Variants in CHAF1A observed in about 807,000 individuals in gnomAD.
CHAF1A encodes chromatin assembly factor 1 subunit A, also known as CAF-1 subunit A.
CHAF1A carries 5 observed loss-of-function variants against 93.2 expected under a neutral mutation model. The ratio of observed to expected loss-of-function variants is 0.05; its 90% CI spans 0.03 to 0.11. The LOEUF (loss-of-function observed/expected upper bound fraction) is 0.11, where lower values mean the gene tolerates loss of function less well. Ranked by LOEUF, CHAF1A falls within the 10% of genes least tolerant of loss-of-function variation. The probability of loss-of-function intolerance (pLI) is 1.00; values close to 1 mark genes in which losing one functional copy is unlikely to be tolerated. For missense variants in CHAF1A, 1,102 were observed against 1,259.9 expected (o/e 0.87, Z 1.90); for synonymous variants, 504 against 510.3 (o/e 0.99, Z 0.17).
chr19:4,437,896 C>T (rs772740611), intron 13 of CHAF1A, among the ~76,000 whole-genome samples: 8 of 152,082 alleles, frequency 5.3e-5, no homozygotes, highest in African/African-American at 1.9e-4. Flanking sequence ...CCCACCACCA[C>T]GCCCAGCTAA....
chr19:4,443,042 TG>T lies in CHAF1A; in HGVS notation c.*18del. ...GCATCCTGAGAGCAGGGGTGACGTA[TG>T]TAGAATGCTTAGGGTGTCCTCCCCA... On this transcript the variant is annotated 3_prime_UTR_variant, in exon 15 of 15. Transcript: ENST00000301280. The T allele has an allele frequency of 6.7e-7, 1 of 1,487,494 alleles. No individual in the cohort carries two copies. The highest frequency in any genetic ancestry group is 9.2e-7 in the Non-Finnish European group (1 of 1,081,956). 92.1% of individuals were successfully genotyped at this position (1,487,494 alleles called of 1,614,324 possible).
intron 2 of CHAF1A, 39 bp downstream of exon 2, chr19:4,406,001 TTA>T: frequency 6.5e-7 from 1 of 1,529,172 alleles, no homozygotes; most frequent in Non-Finnish European, 9.1e-7. Context: ...TGTTCGTAGT[TTA>T]TAGTCTTCCT....
chr19:4,414,873 T>C (rs1198257539), intron 3 of CHAF1A, among the ~76,000 whole-genome samples: 1 of 152,128 alleles, frequency 6.6e-6, no homozygotes, highest in Non-Finnish European at 1.5e-5. Context: ...CAATTGGAGG[T>C]TTTCTCTTTT....
chr19:4,412,326 T>A (rs1024797479), intron 3 of CHAF1A, among the ~76,000 whole-genome samples: 10 of 152,180 alleles, frequency 6.6e-5, no homozygotes, highest in African/African-American at 2.4e-4. Flanking sequence ...GTGGATCACC[T>A]AAGGTCGAGA....
In CHAF1A at chr19:4,422,880, C is replaced by T; in HGVS notation, c.1247+85C>T. On this transcript the variant is annotated intron_variant, in intron 5 of 14. Transcript: ENST00000301280. The surrounding 1 kb of genome is among the most constrained non-coding windows in gnomAD (Gnocchi z 4.6). ...CCACTCTGATGGGGCCTTTCCACTT[C>T]ACAGGCAGATGGCGGCTCCCTTCAG... 7.8e-7 allele frequency: 1 copy of T among 1,285,128 alleles called. No homozygotes were observed. Among genetic ancestry groups the T allele is most frequent in the Non-Finnish European group, 1.1e-6 (1 of 910,018 alleles). The allele number at this position is 1,285,128 out of a possible 1,614,324, so 79.6% of individuals were successfully genotyped here. A position where few individuals can be genotyped will look rare whatever the true frequency, so the allele number is the denominator to read the frequency against.
chr19:4,403,077 G>T (rs1178725707), intron 1 of CHAF1A, among the ~76,000 whole-genome samples: 2 of 152,234 alleles, frequency 1.3e-5, no homozygotes, highest in African/African-American at 2.4e-5. Context: ...TCTCTGGGGC[G>T]GTGGGTCGGA....
chr19:4,448,583 C>A (rs915866290), downstream of CHAF1A: 4 of 629,156 alleles, frequency 6.4e-6, no homozygotes, highest in Non-Finnish European at 1.1e-5. Flanking sequence ...AGACCGCAGC[C>A]CTGCCCACGC....
chr19:4,450,758 C>CAAAAAAAAA, the CHAF1A span: 9 of 43,800 alleles, frequency 2.1e-4, no homozygotes, highest in African/African-American at 4.8e-4. Flanking sequence ...GACTCTGTCT[C>CAAAAAAAAA]AAAAAAAAAA....
At position 4,433,431 on chromosome 19, in the gene CHAF1A, C is replaced by T. The variant is rs368694193; in HGVS notation, c.2565C>T (p.Ser855=). ...CGGCCCCCAAAGAGGACAGTGGCAG[C>T]GTCCCCTCCACGGGGCCCAGCCAGG... is the stretch of plus-strand genomic sequence containing the variant. ...VPSAPKEDSG[S]VPSTGPSQGT... is the part of the protein sequence containing the mutation. Residue 855 remains serine (S), a synonymous_variant, in exon 13 of 15, where the codon AGC becomes AGT. Coordinates refer to ENST00000301280, the MANE Select transcript of CHAF1A (RefSeq NM_005483.3). This position sits in a 1 kb window ranked among gnomAD's most constrained non-coding sequence, Gnocchi z 5.6. The T allele has an allele frequency of 5.7e-5, 92 of 1,609,738 alleles. No individual in the cohort carries two copies. Among genetic ancestry groups the T allele is most frequent in the Non-Finnish European group, 7.2e-5 (85 of 1,176,732 alleles).
At chr19:4,405,772 C>CT in intron 1 of CHAF1A, 140 bp from the exon 2 acceptor site, 1 of 695,472 alleles carries the variant, frequency 1.4e-6, no homozygotes, top group Non-Finnish European at 2.6e-6. Context: ...AAAAACATCT[C>CT]TAGACTGTGT....
intron 3 of CHAF1A, among the ~76,000 whole-genome samples, chr19:4,414,931 G>T (rs918087556): frequency 2.0e-5 from 3 of 152,112 alleles, no homozygotes; most frequent in Non-Finnish European, 2.9e-5. Flanking sequence ...GGCTTATCTG[G>T]TCTGGGCTTA....
intron 2 of CHAF1A, 134 bp from the exon 3 acceptor site, chr19:4,408,769 C>G (rs1007879507): frequency 1.7e-6 from 2 of 1,151,178 alleles, no homozygotes; most frequent in Non-Finnish European, 1.2e-6. Context: ...CCACCACACC[C>G]GGCCCAGATA....
At chr19:4,427,705 A>T (rs1365645071) in intron 7 of CHAF1A, among the ~76,000 whole-genome samples, 1 of 152,208 alleles carries the variant, frequency 6.6e-6, no homozygotes, top group African/African-American at 2.4e-5. Context: ...CTCCTGCCTC[A>T]GGCTCCCAAG....
chr19:4,429,654 C>G (rs1204791687), intron 9 of CHAF1A, 48 bp downstream of exon 9: 1 of 1,613,924 alleles, frequency 6.2e-7, no homozygotes, highest in Non-Finnish European at 8.5e-7. Context: ...CTCACTGTGC[C>G]CCTTTCCTCC....
intron 13 of CHAF1A, among the ~76,000 whole-genome samples, chr19:4,441,174 G>A (rs1045784265): frequency 3.3e-5 from 5 of 151,954 alleles, no homozygotes; most frequent in Admixed American, 1.3e-4. Context: ...AAAATTAGCC[G>A]GGTGTGGTGG....
At chr19:4,431,905 T>C (rs1191446059) in intron 11 of CHAF1A, 47 bp from the exon 12 acceptor site, 14 of 1,560,698 alleles carry the variant, frequency 9.0e-6, no homozygotes, top group Non-Finnish European at 1.2e-5. Context: ...TGCCCGGGCA[T>C]AGGGGAGCAA....
chr19:4,428,381 T>C (rs535773321), intron 7 of CHAF1A, among the ~76,000 whole-genome samples: 1 of 151,368 alleles, frequency 6.6e-6, no homozygotes, highest in African/African-American at 2.4e-5. Context: ...TGTTGACAAA[T>C]GACAGGGCCA....
chr19:4,423,449 C>A, intron 6 of CHAF1A, 54 bp downstream of exon 6: 2 of 1,609,180 alleles, frequency 1.2e-6, no homozygotes, highest in Non-Finnish European at 1.7e-6. Flanking sequence ...GAAGCAGATG[C>A]CCAAAGTGGA....
chr19:4,430,030 A>C, intron 10 of CHAF1A: 2 of 493,080 alleles, frequency 4.1e-6, no homozygotes, highest in Non-Finnish European at 7.3e-6. Flanking sequence ...CCGCATCTGC[A>C]CCGTGGCCCC....
Sources: gnomAD v4.1 joint callset for allele counts (sites outside exome capture counted in the v4.1 genomes callset) on GRCh38, gnomAD v4.1.1 for gene constraint, Gnocchi (gnomAD v3.1) non-coding constraint, MANE v1.5 for transcripts, NCBI Gene and HGNC (gene_info 2026-07-23, HGNC 2026-07-21) for gene names.